Variants in RUSF1 observed in about 807,000 individuals in gnomAD.
The protein encoded by RUSF1 is RUS family member 1.
In RUSF1, 58 loss-of-function variants were observed where a neutral mutation model predicts 63.0. That is an observed-to-expected ratio of 0.92 (90% CI 0.75 to 1.15). RUSF1 has a LOEUF of 1.15. Ranked by LOEUF, RUSF1 falls within the 50% of genes most tolerant of loss-of-function variation. RUSF1 has a pLI of 0.00. For missense variants in RUSF1, 652 were observed against 611.0 expected (o/e 1.07, Z -0.71); for synonymous variants, 274 against 255.8 (o/e 1.07, Z -0.68).
At chr16:31,491,218 CAG>C (rs1596623947) in intron 12 of RUSF1, among the ~76,000 whole-genome samples, 2 of 152,352 alleles carry the variant, frequency 1.3e-5, no homozygotes, top group East Asian at 1.9e-4. Flanking sequence ...TGGGATTACA[CAG>C]ACTGTCTACA....
At position 31,493,916 on chromosome 16, in the gene RUSF1, C is replaced by T. The variant is rs193227045; in HGVS notation, c.723G>A (p.Ala241=). The part of the protein sequence containing the change: ...DSSQETLVNL[A]GLLVSLLMLP... Reference sequence around the variant, plus strand: ...GCATCAGGAGGCTGACCAAGAGCCCCGCCAGGTTCACCAGCGTCTCCTGGA... The same window carrying T: ...GCATCAGGAGGCTGACCAAGAGCCCTGCCAGGTTCACCAGCGTCTCCTGGA... Residue 241 remains alanine, a synonymous_variant, in exon 7 of 13, where the codon GCG becomes GCA. Transcript: ENST00000327237. The T allele has an allele frequency of 2.1e-5, 34 of 1,614,158 alleles. No individual in the cohort carries two copies. The highest frequency in any genetic ancestry group is 4.5e-5 in the East Asian group (2 of 44,880).
At chr16:31,495,847 T>C (rs1213667890) in intron 6 of RUSF1, among the ~76,000 whole-genome samples, 2 of 152,136 alleles carry the variant, frequency 1.3e-5, no homozygotes, top group African/African-American at 4.8e-5. Flanking sequence ...ATTTAAAGAG[T>C]TCCCAGAACC....
In RUSF1 at chr16:31,489,956, G is replaced by A. The variant is rs2082546362; in HGVS notation, c.*879C>T. On this transcript the variant is annotated 3_prime_UTR_variant, in exon 13 of 13. Transcript: ENST00000327237. Reference sequence around the variant, plus strand: ...AGGGCACAGGGCAGCCATGTAGGGTGGAGTTGGCATGAGTTAAGCCTGGGC... The same window carrying A: ...AGGGCACAGGGCAGCCATGTAGGGTAGAGTTGGCATGAGTTAAGCCTGGGC... 1 of 1,009,308 alleles carries A rather than the reference G, an allele frequency of 9.9e-7. No homozygotes were observed. Among genetic ancestry groups the A allele is most frequent in the Non-Finnish European group, 1.5e-6 (1 of 659,410 alleles). The allele number at this position is 1,009,308 out of a possible 1,614,324, so 62.5% of individuals were successfully genotyped here.
At chr16:31,500,150 C>T (rs2082625358) in intron 3 of RUSF1, among the ~76,000 whole-genome samples, 1 of 152,174 alleles carries the variant, frequency 6.6e-6, no homozygotes, top group African/African-American at 2.4e-5. Flanking sequence ...GTCCCAGTGG[C>T]AGGAGATACT....
chr16:31,501,255 G>A (rs2082631491), intron 2 of RUSF1, among the ~76,000 whole-genome samples: 3 of 152,196 alleles, frequency 2.0e-5, no homozygotes, highest in Admixed American at 1.3e-4. Context: ...CTTAGGCTGG[G>A]CAGTTGGCTC....
chr16:31,492,995 C>A lies in RUSF1; in HGVS notation c.1070G>T (p.Cys357Phe). The change falls in exon 10 of 13, where the codon TGC (cysteine) becomes TTC (phenylalanine). Residue 357 changes from cysteine (C) to phenylalanine (F), a missense_variant. Coordinates refer to ENST00000327237, the MANE Select transcript of RUSF1 (RefSeq NM_022744.4). Reference sequence around the variant, plus strand: ...ACACTCACTTTGTGACTGGTCCCAGCAGAGGAGGTAGGATTCTTGGTGCCC... The same window carrying A: ...ACACTCACTTTGTGACTGGTCCCAGAAGAGGAGGTAGGATTCTTGGTGCCC... ...VEGHQESYLL[C>F]WDQSQNQVQV... is the part of the protein sequence containing the mutation. The A allele has an allele frequency of 6.2e-7, 1 of 1,612,850 alleles. No individual in the cohort carries two copies. The highest frequency in any genetic ancestry group is 8.5e-7 in the Non-Finnish European group (1 of 1,179,194).
At chr16:31,493,977 T>C in intron 6 of RUSF1, 41 bp from the exon 7 acceptor site, 1 of 1,600,362 alleles carries the variant, frequency 6.2e-7, no homozygotes, top group Non-Finnish European at 8.5e-7. Flanking sequence ...AAGGTGCCCC[T>C]CCAGGCCAGA....
intron 11 of RUSF1, 34 bp from the exon 12 acceptor site, chr16:31,492,120 G>T (rs759901994): frequency 6.2e-7 from 1 of 1,614,012 alleles, no homozygotes; most frequent in African/African-American, 1.3e-5. Context: ...GAAGCTCTGT[G>T]TCCTCCAGCA....
At chr16:31,500,091 C>T (rs1296343111) in intron 3 of RUSF1, among the ~76,000 whole-genome samples, 4 of 152,182 alleles carry the variant, frequency 2.6e-5, no homozygotes, top group Non-Finnish European at 5.9e-5. Context: ...TTTCGTCAGA[C>T]AGTGACTCCC....
chr16:31,490,579 T>C lies in RUSF1; in HGVS notation c.*256A>G, dbSNP rs749691010. The C allele has an allele frequency of 4.0e-6, 6 of 1,514,036 alleles. No homozygotes were observed. Among genetic ancestry groups the C allele is most frequent in the Middle Eastern group, 1.7e-4 (1 of 5,844 alleles). The allele number at this position is 1,514,036 out of a possible 1,614,324, so 93.8% of individuals were successfully genotyped here. A position where few individuals can be genotyped will look rare whatever the true frequency, so the allele number is the denominator to read the frequency against. ...CCATAAGCCACAGCCTCACAGGAAG[T>C]GGGGGTGAGGAGCCTGCGGTGCTCC... On this transcript the variant is annotated 3_prime_UTR_variant, in exon 13 of 13. Transcript: ENST00000327237.
chr16:31,500,756 G>A (rs1409032642), intron 2 of RUSF1, 25 bp from the exon 3 acceptor site: 1 of 1,609,380 alleles, frequency 6.2e-7, no homozygotes, highest in Non-Finnish European at 8.5e-7. Context: ...GCACAGGTAA[G>A]GAGCAAGGAA....
chr16:31,502,910 G>C (rs918279828), intron 2 of RUSF1, among the ~76,000 whole-genome samples: 51 of 152,216 alleles, frequency 3.4e-4, no homozygotes, highest in African/African-American at 1.2e-3. Flanking sequence ...GATTATAGGC[G>C]TGAGCCACTG....
chr16:31,500,666 G>A lies in RUSF1; in HGVS notation c.461+20C>T, dbSNP rs1487335714. 1 of 1,611,100 alleles carries A rather than the reference G, an allele frequency of 6.2e-7. No individual in the cohort carries two copies. The highest frequency in any genetic ancestry group is 1.1e-5 in the South Asian group (1 of 90,754). On this transcript the variant is annotated intron_variant, in intron 3 of 12. Transcript: ENST00000327237. ...ACTGGGAAGAGTTGCCAGAGTTGCT[G>A]GCCGGGAAGACAAACTCACCCTTTC... is the stretch of plus-strand genomic sequence containing the variant.
rs370100883 is a variant in RUSF1 at position 31,490,266 on chromosome 16, C to T, written c.*569G>A. The T allele has an allele frequency of 2.2e-5, 35 of 1,613,876 alleles. No individual in the cohort carries two copies. Among genetic ancestry groups the T allele is most frequent in the Non-Finnish European group, 2.8e-5 (33 of 1,179,932 alleles). ...ATGCTGGGAGGTGGGGCTGGAGGAG[C>T]TGAGTTCCCGCAAACTAACTGCAGG... On this transcript the variant is annotated 3_prime_UTR_variant, in exon 13 of 13. Transcript: ENST00000327237.
In RUSF1 at chr16:31,500,687, C is replaced by T. The variant is rs1486341191; in HGVS notation, c.460G>A (p.Gly154Arg). 1.9e-6 allele frequency: 3 copies of T among 1,612,668 alleles called. No homozygotes were observed. The African/African-American group carries it at 4.0e-5, about 22-fold the overall frequency. ...TGCTGGCCGGGAAGACAAACTCACC[C>T]TTTCCACCAGGCAAAGACGATGCGG... is the stretch of plus-strand genomic sequence containing the variant. Reference protein sequence around the residue: ...LGRIVFAWWKGSKLDCNAKQW... With the variant: ...LGRIVFAWWKRSKLDCNAKQW... Residue 154 changes from glycine (G) to arginine (R), a missense_variant and splice_region_variant, in exon 3 of 13, where the codon GGG (glycine) becomes AGG (arginine). Physicochemically the swap from Gly to Arg is moderately radical, Grantham distance 125 (BLOSUM62 -2). Coordinates refer to ENST00000327237, the MANE Select transcript of RUSF1 (RefSeq NM_022744.4).
intron 6 of RUSF1, among the ~76,000 whole-genome samples, chr16:31,496,364 A>G (rs79708034): frequency 0.011 from 1,694 of 152,254 alleles, 38 homozygotes; most frequent in African/African-American, 0.039. Flanking sequence ...GATGCAGTAC[A>G]CGTAAGCACT....
At chr16:31,492,110 G>A in intron 11 of RUSF1, 24 bp from the exon 12 acceptor site, 1 of 1,614,126 alleles carries the variant, frequency 6.2e-7, no homozygotes, top group Non-Finnish European at 8.5e-7. Flanking sequence ...TGCAGAACCA[G>A]AAGCTCTGTG....
chr16:31,492,726 A>G (rs1333016512), intron 10 of RUSF1, among the ~76,000 whole-genome samples: 1 of 152,210 alleles, frequency 6.6e-6, no homozygotes, highest in Non-Finnish European at 1.5e-5. Flanking sequence ...GAGTGCTGCA[A>G]TGTAGCTTTG....
chr16:31,494,352 G>C (rs573691634), intron 6 of RUSF1, among the ~76,000 whole-genome samples: 2 of 151,972 alleles, frequency 1.3e-5, no homozygotes, highest in Non-Finnish European at 2.9e-5. Context: ...GAGACCCATT[G>C]CATTTTTGTA....
Sources: allele counts gnomAD v4.1 joint callset (sites outside exome capture counted in the v4.1 genomes callset), GRCh38; gene constraint gnomAD v4.1.1; transcripts MANE v1.5; gene names NCBI Gene and HGNC (gene_info 2026-07-23, HGNC 2026-07-21).